The following FBXO27 variants were observed in gnomAD, a reference collection of about 807,000 sequenced individuals.
FBXO27 encodes the protein F-box protein 27.
Under a neutral mutation model 28.3 loss-of-function variants are expected in FBXO27, and 28 were observed. That is an observed-to-expected ratio of 0.99 (90% CI 0.73 to 1.36). The LOEUF (loss-of-function observed/expected upper bound fraction) is 1.36, where lower values mean the gene tolerates loss of function less well. Among genes scored for constraint, FBXO27 ranks in the 40% most tolerant of loss-of-function variants. The pLI is 0.00. For missense variants in FBXO27, 388 were observed against 394.1 expected, an observed-to-expected ratio of 0.98 and a Z score of 0.13; for synonymous variants, 175 against 167.3, an observed-to-expected ratio of 1.05 and a Z score of -0.36.
In FBXO27 at chr19:39,025,303, T is replaced by C. The variant is rs1426372957; in HGVS notation, c.*108A>G. On this transcript the variant is annotated 3_prime_UTR_variant, in exon 6 of 6. Transcript: ENST00000292853. ...TTTGATTGGACCCAGGAATTCTCAG[T>C]ATGCCAGGGAGGTACAAGTGCTTGG... The C allele has an allele frequency of 2.1e-6, 3 of 1,402,620 alleles. No individual in the cohort carries two copies. The highest frequency in any genetic ancestry group is 1.4e-5 in the African/African-American group (1 of 69,548). 86.9% of individuals were successfully genotyped at this position (1,402,620 alleles called of 1,614,324 possible).
chr19:39,030,122 A>G (rs1351182910), intron 4 of FBXO27, among the ~76,000 whole-genome samples: 1 of 152,060 alleles, frequency 6.6e-6, no homozygotes, highest in African/African-American at 2.4e-5. Flanking sequence ...GATTACAGGC[A>G]TGAGCCACCG....
intron 2 of FBXO27, 39 bp from the exon 3 acceptor site, chr19:39,031,359 C>T (rs776142568): frequency 5.0e-6 from 8 of 1,602,400 alleles, no homozygotes; most frequent in South Asian, 4.4e-5. Flanking sequence ...GTTCCAGTCG[C>T]CCGCCTGTTG....
chr19:39,026,954 A>G lies in FBXO27; in HGVS notation c.624T>C (p.Leu208=), dbSNP rs763240067. Residue 208 remains leucine (L), a synonymous_variant, in exon 5 of 6, where the codon CTT becomes CTC. Coordinates refer to ENST00000292853, the MANE Select transcript of FBXO27 (RefSeq NM_178820.5). ...SGCMYRLLVQ[L]LDANQTVLDK... Reference sequence around the variant, plus strand: ...CTAGAACAGTCTGGTTGGCGTCTAGAAGTTGGACGAGGAGTCTGTACATAC... The same window carrying G: ...CTAGAACAGTCTGGTTGGCGTCTAGGAGTTGGACGAGGAGTCTGTACATAC... 3.7e-6 allele frequency: 6 copies of G among 1,614,162 alleles called. No homozygotes were observed. The Admixed American group carries it at 6.7e-5, about 18-fold the overall frequency.
At chr19:39,026,164 T>A (rs1038988478) in intron 5 of FBXO27, among the ~76,000 whole-genome samples, 3 of 152,194 alleles carry the variant, frequency 2.0e-5, no homozygotes, top group Non-Finnish European at 4.4e-5. Flanking sequence ...CAGCTTCTAC[T>A]GTTTCTCTGG....
intron 1 of FBXO27, among the ~76,000 whole-genome samples, chr19:39,016,357 AG>A (rs1479994511): frequency 6.8e-6 from 1 of 146,756 alleles, no homozygotes; most frequent in Admixed American, 6.7e-5. Context: ...GATAGCGGGA[AG>A]GGTGTGTGTG....
rs759184088 is a variant in FBXO27, at chr19:39,025,451, A to C, written c.812T>G (p.Val271Gly). 3.7e-6 allele frequency: 6 copies of C among 1,614,158 alleles called. No individual in the cohort carries two copies. Among genetic ancestry groups the C allele is most frequent in the Non-Finnish European group, 2.5e-6 (3 of 1,180,032 alleles). The change falls in exon 6 of 6, where the codon GTG (valine) becomes GGG (glycine). Residue 271 changes from valine (V) to glycine (G), a missense_variant. By Grantham distance (109) the Val-to-Gly change is moderately radical. Coordinates refer to ENST00000292853, the MANE Select transcript of FBXO27 (RefSeq NM_178820.5). The stretch of plus-strand genomic sequence containing the variant: ...TCGCACGATCACACTGGAGTTGGTC[A>C]CACGGGCTCCATAGTGGCCAGCCCA... Reference protein sequence around the residue: ...QFWAGHYGARVTNSSVIVRVR... With the variant: ...QFWAGHYGARGTNSSVIVRVR...
chr19:39,031,453 C>T (rs2072903004), intron 2 of FBXO27, 133 bp from the exon 3 acceptor site: 1 of 746,020 alleles, frequency 1.3e-6, no homozygotes. Context: ...CGAGGCCCCG[C>T]CCCCTTCCCC....
intron 2 of FBXO27, among the ~76,000 whole-genome samples, chr19:39,006,621 G>A (rs967308993): frequency 2.0e-5 from 3 of 151,870 alleles, no homozygotes; most frequent in Admixed American, 1.3e-4. Flanking sequence ...ATCTATCTTC[G>A]AAAGCCAAGT....
At chr19:39,027,039 G>A in intron 4 of FBXO27, 34 bp from the exon 5 acceptor site, 1 of 1,612,430 alleles carries the variant, frequency 6.2e-7, no homozygotes, top group Non-Finnish European at 8.5e-7. Context: ...GGCTGGACCT[G>A]CCACCCCATC....
At chr19:39,008,389 A>T (rs2072779505) in intron 2 of FBXO27, among the ~76,000 whole-genome samples, 2 of 151,966 alleles carry the variant, frequency 1.3e-5, no homozygotes, top group Admixed American at 6.6e-5. Context: ...AGTAGCTGGG[A>T]TTACAAGCAT....
At chr19:39,007,635 T>C (rs1184163139) in intron 2 of FBXO27, among the ~76,000 whole-genome samples, 3 of 152,150 alleles carry the variant, frequency 2.0e-5, no homozygotes, top group African/African-American at 7.2e-5. Flanking sequence ...TTTTCAAACA[T>C]TAATTAATTA....
downstream of FBXO27, among the ~76,000 whole-genome samples, chr19:39,021,312 T>G (rs1410636222): frequency 6.6e-6 from 1 of 152,146 alleles, no homozygotes; most frequent in East Asian, 1.9e-4. Flanking sequence ...GATGTATTTC[T>G]GTAAAGTACC....
At chr19:39,013,799 G>T (rs927237208) in intron 2 of FBXO27, among the ~76,000 whole-genome samples, 4 of 151,904 alleles carry the variant, frequency 2.6e-5, no homozygotes, top group Non-Finnish European at 2.9e-5. Flanking sequence ...GGATCACGAG[G>T]TCAGGAGATC....
At chr19:39,012,119 C>T (rs2072798073) in intron 2 of FBXO27, among the ~76,000 whole-genome samples, 1 of 151,374 alleles carries the variant, frequency 6.6e-6, no homozygotes, top group African/African-American at 2.4e-5. Context: ...AGGCGTGAGC[C>T]ACCACGCCCG....
intron 2 of FBXO27, among the ~76,000 whole-genome samples, chr19:39,013,181 T>G (rs1343955063): frequency 2.0e-5 from 3 of 152,038 alleles, no homozygotes; most frequent in Non-Finnish European, 4.4e-5. Flanking sequence ...CAGGCCACAG[T>G]TGCAACCTAC....
chr19:39,006,567 GAAAAAGA>G (rs1975735514), intron 2 of FBXO27, among the ~76,000 whole-genome samples: 1 of 150,672 alleles, frequency 6.6e-6, no homozygotes, highest in African/African-American at 2.4e-5. Flanking sequence ...CTCAAAAAAA[GAAAAAGA>G]AAAAAGAAAA....
rs2072859187 is a variant in FBXO27, at chr19:39,024,182, T to C, written c.*1229A>G. 6.6e-6 allele frequency: 1 copy of C among 152,112 alleles called. No individual in the cohort carries two copies. The highest frequency in any genetic ancestry group is 6.6e-5 in the Admixed American group (1 of 15,248). The allele number at this position is 152,112 out of a possible 1,614,324, so 9.4% of individuals were successfully genotyped here. ...GAGGATCAGGGTTGGGCTCAGGGAA[T>C]TACCTCGTTTTTTCAGAGAAACCAG... On this transcript the variant is annotated 3_prime_UTR_variant, in exon 6 of 6. Coordinates refer to ENST00000292853, the MANE Select transcript of FBXO27 (RefSeq NM_178820.5).
chr19:39,008,517 T>C (rs1005137925), intron 2 of FBXO27, among the ~76,000 whole-genome samples: 2 of 152,186 alleles, frequency 1.3e-5, no homozygotes, highest in Non-Finnish European at 2.9e-5. Flanking sequence ...ATACAATATA[T>C]AAATCACTAT....
intron 2 of FBXO27, among the ~76,000 whole-genome samples, chr19:39,013,358 G>A (rs894260486): frequency 3.9e-5 from 6 of 152,168 alleles, no homozygotes; most frequent in Non-Finnish European, 7.3e-5. Context: ...GGCCAGGCGC[G>A]GTGGCTCATG....
Sources: gnomAD v4.1 joint callset for allele counts (sites outside exome capture counted in the v4.1 genomes callset) on GRCh38, gnomAD v4.1.1 for gene constraint, MANE v1.5 for transcripts, NCBI Gene and HGNC (gene_info 2026-07-23, HGNC 2026-07-21) for gene names.